CTNNA3: variants seen among roughly 807,000 people sequenced by gnomAD.
The protein encoded by CTNNA3 is catenin alpha 3.
In CTNNA3, 76 loss-of-function variants were observed where a neutral mutation model predicts 95.7. The observed-to-expected ratio is 0.79, with a 90% CI of 0.66 to 0.96. The LOEUF is 0.96. Among genes scored for constraint, CTNNA3 ranks in the 40% least tolerant of loss-of-function variants. CTNNA3 has a pLI of 0.00. For synonymous variants in CTNNA3, 431 were observed against 374.4 expected (o/e 1.15, Z -1.74); for missense variants, 1,191 against 1,089.8 (o/e 1.09, Z -1.31).
chr10:67,736,534 C>T (rs758011966), intron 1 of CTNNA3, among the ~76,000 whole-genome samples: 1 of 147,568 alleles, frequency 6.8e-6, no homozygotes, highest in South Asian at 2.1e-4. Flanking sequence ...CGGCTGACTG[C>T]AATCTCCGCC....
chr10:67,080,636 A>G (rs929832218), intron 7 of CTNNA3, among the ~76,000 whole-genome samples: 1 of 152,180 alleles, frequency 6.6e-6, no homozygotes, highest in Non-Finnish European at 1.5e-5. Flanking sequence ...ACGGCCGGGC[A>G]TGGTGGCTCA....
chr10:66,295,838 G>T (rs990564337), intron 12 of CTNNA3, among the ~76,000 whole-genome samples: 1 of 152,202 alleles, frequency 6.6e-6, no homozygotes, highest in South Asian at 2.1e-4. Flanking sequence ...TCAGGCAGAA[G>T]TCCCAGTCAT....
At chr10:67,007,909 G>C (rs1852100714) in intron 7 of CTNNA3, among the ~76,000 whole-genome samples, 1 of 151,930 alleles carries the variant, frequency 6.6e-6, no homozygotes, top group African/African-American at 2.4e-5. Flanking sequence ...AGGCCAACAG[G>C]TAATGTGGAT....
chr10:67,631,792 T>TA (rs11392613), intron 2 of CTNNA3, among the ~76,000 whole-genome samples: 23,416 of 151,812 alleles, frequency 0.15, 2,701 homozygotes, highest in African/African-American at 0.32. Flanking sequence ...TATTCAGTCA[T>TA]AAAAAAAAGT....
intron 9 of CTNNA3, among the ~76,000 whole-genome samples, chr10:66,699,938 T>C (rs533114064): frequency 2.0e-5 from 3 of 152,252 alleles, no homozygotes; most frequent in Non-Finnish European, 4.4e-5. Context: ...ATTACAGGTG[T>C]GAGCCACCAC....
rs539313581 is a variant in CTNNA3 at position 66,958,604 on chromosome 10, A to G, written c.1048-183080T>C. Among the ~76,000 whole-genome samples the G allele has an allele frequency of 7.2e-5, 11 of 152,074 alleles. No homozygotes were observed. In the South Asian group the frequency reaches 2.1e-3, roughly 29 times the overall value. On this transcript the variant is annotated intron_variant, in intron 7 of 17. Coordinates refer to ENST00000433211, the MANE Select transcript of CTNNA3 (RefSeq NM_013266.4). ...AGCGAATCCTGCCATTTTATTAAAT[A>G]CTTACAGAAAACAAAAGCAAAGCAA...
intron 15 of CTNNA3, among the ~76,000 whole-genome samples, chr10:66,008,991 T>G (rs1273737649): frequency 6.6e-6 from 1 of 151,976 alleles, no homozygotes; most frequent in African/African-American, 2.4e-5. Flanking sequence ...TCCCAGCTAC[T>G]CAGGAGGCTG....
intron 11 of CTNNA3, among the ~76,000 whole-genome samples, chr10:66,410,474 G>A (rs2093094560): frequency 6.6e-6 from 1 of 152,112 alleles, no homozygotes; most frequent in African/African-American, 2.4e-5. Context: ...TTAGGCCCTG[G>A]TACTAGCAAA....
rs935207168 is a variant in CTNNA3 at position 66,691,241 on chromosome 10, G to A, written c.1282-69457C>T. On this transcript the variant is annotated intron_variant, in intron 9 of 17. Coordinates refer to ENST00000433211, the MANE Select transcript of CTNNA3 (RefSeq NM_013266.4). ...GGTGACAGACGGCACCTGGAAAATC[G>A]GGTCACTCCCACCCTAATACTGCGC... is the stretch of plus-strand genomic sequence containing the variant. Among the ~76,000 whole-genome samples the A allele has an allele frequency of 5.3e-5, 8 of 152,202 alleles. 1 individual carries two copies. The highest frequency in any genetic ancestry group is 1.2e-4 in the African/African-American group (5 of 41,534).
At chr10:67,200,297 T>C (rs1863585403) in intron 6 of CTNNA3, among the ~76,000 whole-genome samples, 1 of 152,048 alleles carries the variant, frequency 6.6e-6, no homozygotes, top group African/African-American at 2.4e-5. Context: ...CAAAATATGC[T>C]CAGGAATGCA....
intron 7 of CTNNA3, among the ~76,000 whole-genome samples, chr10:67,078,275 C>T (rs1211678198): frequency 1.3e-5 from 2 of 152,186 alleles, no homozygotes; most frequent in African/African-American, 4.8e-5. Flanking sequence ...ATGTGTACTT[C>T]CAAGACTGTA....
chr10:66,676,391 T>C (rs1846858037), intron 9 of CTNNA3, among the ~76,000 whole-genome samples: 2 of 152,082 alleles, frequency 1.3e-5, no homozygotes, highest in African/African-American at 4.8e-5. Flanking sequence ...TGTACCTTAA[T>C]CATTAATTAT....
At chr10:65,929,678 C>T (rs2077221139) in intron 17 of CTNNA3, among the ~76,000 whole-genome samples, 1 of 151,728 alleles carries the variant, frequency 6.6e-6, no homozygotes, top group African/African-American at 2.4e-5. Flanking sequence ...ACGCCATTCT[C>T]CTGTCTCAGC....
chr10:66,169,817 C>A (rs1415634428), intron 13 of CTNNA3, among the ~76,000 whole-genome samples: 1 of 152,044 alleles, frequency 6.6e-6, no homozygotes, highest in Non-Finnish European at 1.5e-5. Context: ...ATTTGTATAT[C>A]TTCTTTTAAG....
At chr10:66,838,001 C>A (rs1486771215) in intron 7 of CTNNA3, among the ~76,000 whole-genome samples, 7 of 152,094 alleles carry the variant, frequency 4.6e-5, no homozygotes, top group Admixed American at 2.0e-4. Context: ...AGGTCTAAAT[C>A]TGAAGAGTCT....
intron 5 of CTNNA3, among the ~76,000 whole-genome samples, chr10:67,520,168 C>T (rs1470390720): frequency 6.6e-6 from 1 of 152,032 alleles, no homozygotes; most frequent in African/African-American, 2.4e-5. Flanking sequence ...TAAATCATAC[C>T]ATGTGCCATA....
intron 7 of CTNNA3, among the ~76,000 whole-genome samples, chr10:66,941,584 C>G (rs189452775): frequency 2.6e-4 from 39 of 152,152 alleles, no homozygotes; most frequent in Non-Finnish European, 4.6e-4. Context: ...GAAAAAAAAT[C>G]AAAGGCCATA....
chr10:66,106,755 C>T (rs547047446), intron 13 of CTNNA3, among the ~76,000 whole-genome samples: 2 of 152,204 alleles, frequency 1.3e-5, no homozygotes, highest in African/African-American at 4.8e-5. Flanking sequence ...GTAAATTTAT[C>T]CAAATTTTAA....
chr10:65,991,439 C>T (rs2078543890), intron 15 of CTNNA3, among the ~76,000 whole-genome samples: 1 of 151,524 alleles, frequency 6.6e-6, no homozygotes, highest in South Asian at 2.1e-4. Context: ...CAATTTCTTC[C>T]ACCAGTGTTT....
Sources: allele counts gnomAD v4.1 joint callset (sites outside exome capture counted in the v4.1 genomes callset), GRCh38; gene constraint gnomAD v4.1.1; transcripts MANE v1.5; gene names NCBI Gene and HGNC (gene_info 2026-07-23, HGNC 2026-07-21).